GARNL3: variants seen among roughly 807,000 people sequenced by gnomAD.
GARNL3 encodes the protein GTPase-activating Rap/Ran-GAP domain-like protein 3.
Under a neutral mutation model 125.0 loss-of-function variants are expected in GARNL3, and 63 were observed. That is an observed-to-expected ratio of 0.50 (90% CI 0.41 to 0.62). The LOEUF is 0.62. GARNL3 is among the 20% of genes least tolerant of loss of function. The pLI is 0.00. For synonymous variants in GARNL3, 439 were observed against 457.5 expected, an observed-to-expected ratio of 0.96 and a Z score of 0.52; for missense variants, 994 against 1,244.0, an observed-to-expected ratio of 0.80 and a Z score of 3.02.
rs568096561 is a variant in GARNL3 at position 127,392,611 on chromosome 9, G to C, written c.2871-472G>C. ...GCAGGCCAATGAGTATTTGTGGAAT[G>C]CATTAACTCTCTGAGAAGTGGAAAC... On this transcript the variant is annotated intron_variant, in intron 27 of 27. Transcript: ENST00000373387. This position sits in a 1 kb window ranked among gnomAD's most constrained non-coding sequence, Gnocchi z 5.2. 2.6e-5 allele frequency among the ~76,000 whole-genome samples: 4 copies of C among 152,358 alleles called. No homozygotes were observed. Among genetic ancestry groups the C allele is most frequent in the South Asian group, 4.1e-4 (2 of 4,826 alleles).
chr9:127,324,280 A>G (rs2065495754), intron 6 of GARNL3, among the ~76,000 whole-genome samples: 1 of 152,174 alleles, frequency 6.6e-6, no homozygotes, highest in Admixed American at 6.5e-5. Flanking sequence ...AAAGAATAAA[A>G]TAATAAAGAT....
intron 22 of GARNL3, among the ~76,000 whole-genome samples, chr9:127,373,661 A>G (rs988575736): frequency 4.6e-5 from 7 of 152,160 alleles, no homozygotes; most frequent in African/African-American, 1.7e-4. Context: ...CAGAGATAAG[A>G]CATGGTCCAT....
chr9:127,334,891 A>G (rs897504383), intron 9 of GARNL3, among the ~76,000 whole-genome samples: 21 of 152,322 alleles, frequency 1.4e-4, no homozygotes, highest in African/African-American at 4.8e-4. Context: ...TATGGACATA[A>G]TTGTTTGTGT....
intron 2 of GARNL3, among the ~76,000 whole-genome samples, chr9:127,305,035 C>A (rs2131433724): frequency 6.6e-6 from 1 of 152,298 alleles, no homozygotes; most frequent in Non-Finnish European, 1.5e-5. Context: ...AAATACACAT[C>A]ATATGATTTC....
chr9:127,321,413 C>G (rs2065396800), intron 6 of GARNL3, among the ~76,000 whole-genome samples: 1 of 152,192 alleles, frequency 6.6e-6, no homozygotes, highest in African/African-American at 2.4e-5. Context: ...CCACCACGCC[C>G]AGCCTGGAAT....
chr9:127,300,698 G>A (rs1015444185), intron 2 of GARNL3: 1 of 312,556 alleles, frequency 3.2e-6, no homozygotes, highest in Non-Finnish European at 6.0e-6. Flanking sequence ...CAAGTGATCT[G>A]TCCCCCTCGG....
In GARNL3 at chr9:127,345,573, A is replaced by G. The variant is rs1003865722; in HGVS notation, c.1431+96A>G. Reference sequence around the variant, plus strand: ...GGAAAAAGGTTTGAGAGCAGAAGGAAGAAGAGCATGTCTACTGCAGAGTCC... The same window carrying G: ...GGAAAAAGGTTTGAGAGCAGAAGGAGGAAGAGCATGTCTACTGCAGAGTCC... On this transcript the variant is annotated intron_variant, in intron 16 of 27. Transcript: ENST00000373387. 5.0e-6 allele frequency: 4 copies of G among 805,186 alleles called. No homozygotes were observed. The Admixed American group carries it at 1.0e-4, about 20-fold the overall frequency. The allele number at this position is 805,186 out of a possible 1,614,324, so 49.9% of individuals were successfully genotyped here.
At chr9:127,329,024 T>G (rs2131551648) in intron 7 of GARNL3, among the ~76,000 whole-genome samples, 1 of 152,316 alleles carries the variant, frequency 6.6e-6, no homozygotes, top group South Asian at 2.1e-4. Context: ...TCTGAATGGC[T>G]GGTTAAAATA....
At chr9:127,372,394 T>G (rs1831657803) in intron 22 of GARNL3, among the ~76,000 whole-genome samples, 1 of 152,208 alleles carries the variant, frequency 6.6e-6, no homozygotes, top group Non-Finnish European at 1.5e-5. Context: ...TAGGAGATAA[T>G]GATAATATGT....
chr9:127,355,583 C>A, intron 20 of GARNL3, 111 bp downstream of exon 20: 1 of 925,272 alleles, frequency 1.1e-6, no homozygotes, highest in Non-Finnish European at 1.7e-6. Context: ...GTTTAGTAGC[C>A]AACTAGGGAA....
chr9:127,327,198 T>C (rs2065601199), intron 7 of GARNL3, among the ~76,000 whole-genome samples: 1 of 152,232 alleles, frequency 6.6e-6, no homozygotes, highest in South Asian at 2.1e-4. Flanking sequence ...TACCATGTAC[T>C]GTTTGAGGCG....
chr9:127,259,019 C>G (rs940485573), upstream of GARNL3, among the ~76,000 whole-genome samples: 1 of 152,208 alleles, frequency 6.6e-6, no homozygotes, highest in Non-Finnish European at 1.5e-5. Flanking sequence ...TCTACCAGGC[C>G]TAGCCACTGC....
chr9:127,366,817 G>T (rs888753303), intron 22 of GARNL3: 3 of 152,248 alleles, frequency 2.0e-5, no homozygotes, highest in Non-Finnish European at 4.4e-5. Flanking sequence ...AGCGGCTCCT[G>T]CCTCAGCTGT....
At chr9:127,332,028 T>C (rs748526214) in intron 7 of GARNL3, among the ~76,000 whole-genome samples, 3 of 152,068 alleles carry the variant, frequency 2.0e-5, no homozygotes, top group African/African-American at 7.2e-5. Flanking sequence ...ATGCCATTAG[T>C]AATGAAATTA....
At chr9:127,325,226 G>A (rs946432068) in intron 7 of GARNL3, 131 bp downstream of exon 7, 25 of 827,104 alleles carry the variant, frequency 3.0e-5, no homozygotes, top group South Asian at 1.6e-5. Flanking sequence ...GGGACACATT[G>A]CGCGGAAAGA....
At chr9:127,391,524 C>A (rs1199528600) in intron 27 of GARNL3, among the ~76,000 whole-genome samples, 19 of 70,456 alleles carry the variant, frequency 2.7e-4, no homozygotes, top group South Asian at 1.4e-3. Flanking sequence ...CCCATCTCTA[C>A]AAAAAAAAAA....
At chr9:127,274,648 G>T (rs1282946808) in intron 1 of GARNL3, among the ~76,000 whole-genome samples, 3 of 152,142 alleles carry the variant, frequency 2.0e-5, no homozygotes, top group Non-Finnish European at 4.4e-5. Flanking sequence ...TCAACCTTAT[G>T]CTGGTATCCT....
At chr9:127,307,002 A>G (rs2064975814) in intron 2 of GARNL3, among the ~76,000 whole-genome samples, 1 of 152,168 alleles carries the variant, frequency 6.6e-6, no homozygotes. Flanking sequence ...ATTTTAAGAT[A>G]TCAGCAATCA....
At chr9:127,243,200 C>T (rs770045450) in exon 2 of GARNL3, 1 of 1,366,596 alleles carries the variant, frequency 7.3e-7, no homozygotes, top group South Asian at 1.1e-5. Context: ...CATCCAGCCC[C>T]TTCAGACATG....
Sources: gnomAD v4.1 joint callset for allele counts (sites outside exome capture counted in the v4.1 genomes callset) on GRCh38, gnomAD v4.1.1 for gene constraint, Gnocchi (gnomAD v3.1) non-coding constraint, MANE v1.5 for transcripts, NCBI Gene and HGNC (gene_info 2026-07-23, HGNC 2026-07-21) for gene names.